The following SPCS3 variants were observed in gnomAD, a reference collection of about 807,000 sequenced individuals.
The protein encoded by SPCS3 is SPase 22 kDa subunit.
SPCS3 carries 9 observed loss-of-function variants against 17.2 expected under a neutral mutation model. The observed-to-expected ratio is 0.52, with a 90% CI of 0.31 to 0.91. The LOEUF is 0.91. SPCS3 is among the 40% of genes least tolerant of loss of function. The pLI, the probability that SPCS3 is intolerant of heterozygous loss-of-function variation, is 0.04. For missense variants in SPCS3, 139 were observed against 217.5 expected (o/e 0.64, Z 2.27); for synonymous variants, 87 against 89.6 (o/e 0.97, Z 0.16).
Position 176,320,138 on chromosome 4 carries a change from C to T in SPCS3, c.62C>T (p.Ala21Val). ...GCCTTCTCGCTGAGCGTGATGGCGG[C>T]GCTCACCTTCGGCTGCTTCATCACC... ...LFAFSLSVMA[A>V]LTFGCFITTA... The change falls in exon 1 of 5, where the codon GCG becomes GTG. Residue 21 changes from alanine (A) to valine (V), a missense_variant. By Grantham distance (64) the Ala-to-Val change is moderately conservative. Coordinates refer to ENST00000503362, the MANE Select transcript of SPCS3 (RefSeq NM_021928.4). 1 of 1,583,174 alleles carries T rather than the reference C, an allele frequency of 6.3e-7. No homozygotes were observed. Among genetic ancestry groups the T allele is most frequent in the African/African-American group, 1.4e-5 (1 of 71,948 alleles).
In SPCS3 at chr4:176,328,416, GGTTT is replaced by G; in HGVS notation, c.*91_*94del. The G allele has an allele frequency of 9.3e-7, 1 of 1,070,304 alleles. No homozygotes were observed. The highest frequency in any genetic ancestry group is 1.2e-6 in the Non-Finnish European group (1 of 834,682). The allele number at this position is 1,070,304 out of a possible 1,614,324, so 66.3% of individuals were successfully genotyped here. A position where few individuals can be genotyped will look rare whatever the true frequency, so the allele number is the denominator to read the frequency against. On this transcript the variant is annotated 3_prime_UTR_variant, in exon 5 of 5. Transcript: ENST00000503362. ...TTCCCTTACATCTTCATGTATTGTT[GGTTT>G]GTTTTTTGGTTTTGGGTTTTTTTTT...
intron 1 of SPCS3, chr4:176,321,965 A>G: frequency 7.2e-6 from 3 of 417,218 alleles, no homozygotes; most frequent in Non-Finnish European, 1.3e-5. Context: ...CTTGAGGTAT[A>G]TGCAATTAGC....
At chr4:176,322,118 A>G in intron 1 of SPCS3, 52 bp from the exon 2 acceptor site, 1 of 1,199,282 alleles carries the variant, frequency 8.3e-7, no homozygotes, top group Non-Finnish European at 1.2e-6. Context: ...AAGTTACGTG[A>G]ATTGTGTATG....
At chr4:176,328,176 T>C in intron 4 of SPCS3, 22 bp from the exon 5 acceptor site, 1 of 1,608,038 alleles carries the variant, frequency 6.2e-7, no homozygotes, top group East Asian at 2.2e-5. Context: ...TGATGACTTG[T>C]GTTTATTATA....
chr4:176,327,585 C>T (rs1398463340), intron 4 of SPCS3, among the ~76,000 whole-genome samples: 4 of 152,138 alleles, frequency 2.6e-5, no homozygotes, highest in African/African-American at 7.2e-5. Context: ...CCTTTCTGAG[C>T]GTGAGTCGGG....
intron 3 of SPCS3, among the ~76,000 whole-genome samples, chr4:176,325,561 T>TAAAA (rs71597446): frequency 2.2e-5 from 3 of 137,326 alleles, no homozygotes; most frequent in Admixed American, 7.3e-5. Context: ...TACCTTTCTT[T>TAAAA]AAAAAAAAAA....
intron 1 of SPCS3, 157 bp from the exon 2 acceptor site, chr4:176,322,013 C>A: frequency 2.1e-6 from 1 of 480,570 alleles, no homozygotes; most frequent in Admixed American, 4.0e-5. Context: ...AATGTTTCTC[C>A]TGTTTTCACA....
chr4:176,329,243 T>C lies in SPCS3; in HGVS notation c.*913T>C, dbSNP rs1268796402. 2.6e-5 allele frequency: 4 copies of C among 152,138 alleles called. No homozygotes were observed. The highest frequency in any genetic ancestry group is 5.9e-5 in the Non-Finnish European group (4 of 67,982). 9.4% of individuals were successfully genotyped at this position (152,138 alleles called of 1,614,324 possible). On this transcript the variant is annotated 3_prime_UTR_variant, in exon 5 of 5. Coordinates refer to ENST00000503362, the MANE Select transcript of SPCS3 (RefSeq NM_021928.4). ...CCATTTACAAACCACTCATATACTT[T>C]AGTGTATGTCATCCTCAATAATCTA...
In SPCS3 at chr4:176,320,092, T is replaced by C; in HGVS notation, c.16T>C (p.Ser6Pro). 6.4e-7 allele frequency: 1 copy of C among 1,570,484 alleles called. No individual in the cohort carries two copies. The change falls in exon 1 of 5, where the codon TCG (serine) becomes CCG (proline). Residue 6 changes from serine to proline, a missense_variant. Transcript: ENST00000503362. MNTVL[S>P]RANSLFAFSL... ...GACGATCGCGATGAACACGGTGCTG[T>C]CGCGGGCGAACTCACTGTTCGCCTT...
At position 176,327,260 on chromosome 4, in the gene SPCS3, C is replaced by T. The variant is rs367881418; in HGVS notation, c.393C>T (p.Asp131=). 93 of 1,571,548 alleles carry T rather than the reference C, an allele frequency of 5.9e-5. No homozygotes were observed. Among genetic ancestry groups the T allele is most frequent in the African/African-American group, 3.0e-4 (22 of 73,548 alleles). Residue 131 remains aspartate (D), a synonymous_variant, in exon 4 of 5, where the codon GAC becomes GAT. Transcript: ENST00000503362. ...TGAAAACAAAATATTTTTTCTTTGA[C>T]GATGGAAATGGTCTCAAGTGAGCAA... is the stretch of plus-strand genomic sequence containing the variant. ...KDMKTKYFFF[D]DGNGLKGNRN... is the part of the protein sequence containing the mutation.
In SPCS3 at chr4:176,319,972, G is replaced by C; in HGVS notation, c.-105G>C. ...CGGGGCTGCGGCGGCGCGCGCTCCCGGAACGCGCGCACCGCAGACGGCGCG... is the reference window on the plus strand; with the variant it reads ...CGGGGCTGCGGCGGCGCGCGCTCCCCGAACGCGCGCACCGCAGACGGCGCG... On this transcript the variant is annotated 5_prime_UTR_variant, in exon 1 of 5. Transcript: ENST00000503362. 5 of 1,294,796 alleles carry C rather than the reference G, an allele frequency of 3.9e-6. No individual in the cohort carries two copies. The highest frequency in any genetic ancestry group is 6.4e-5 in the East Asian group (2 of 31,136). 80.2% of individuals were successfully genotyped at this position (1,294,796 alleles called of 1,614,324 possible). A position where few individuals can be genotyped will look rare whatever the true frequency, so the allele number is the denominator to read the frequency against.
chr4:176,323,179 G>A (rs900025433), intron 2 of SPCS3, among the ~76,000 whole-genome samples: 1 of 152,148 alleles, frequency 6.6e-6, no homozygotes, highest in Admixed American at 6.5e-5. Context: ...ACCATCGGAA[G>A]AGTCTTATGC....
At chr4:176,328,024 C>G (rs1283651363) in intron 4 of SPCS3, among the ~76,000 whole-genome samples, 174 bp from the exon 5 acceptor site, 3 of 152,140 alleles carry the variant, frequency 2.0e-5, no homozygotes, top group Non-Finnish European at 4.4e-5. Flanking sequence ...CTAGCATTGT[C>G]CTTGGATTTT....
chr4:176,328,325 TATTAA>T lies in SPCS3; in HGVS notation c.543_*4del. ...AGATACATATGAAATAACGAAGAGTTATTAAATTATTCTGAATTTGAAACAACATA... is the reference window on the plus strand; with the variant it reads ...AGATACATATGAAATAACGAAGAGTTATTATTCTGAATTTGAAACAACATA... On this transcript the variant is annotated frameshift_variant and stop_lost, in exon 5 of 5. Coordinates refer to ENST00000503362, the MANE Select transcript of SPCS3 (RefSeq NM_021928.4). LOFTEE classifies it high-confidence loss of function. The T allele has an allele frequency of 2.5e-6, 4 of 1,583,914 alleles. No homozygotes were observed. The highest frequency in any genetic ancestry group is 3.4e-6 in the Non-Finnish European group (4 of 1,165,142).
At chr4:176,320,295 G>C in intron 1 of SPCS3, 76 bp downstream of exon 1, 2 of 1,244,718 alleles carry the variant, frequency 1.6e-6, no homozygotes, top group Non-Finnish European at 2.0e-6. Context: ...CCGCCGCGCC[G>C]GGGCTGCCGT....
chr4:176,328,222 C>T lies in SPCS3; in HGVS notation c.435C>T (p.Thr145=), dbSNP rs1269517225. The T allele has an allele frequency of 3.7e-6, 6 of 1,612,150 alleles. No individual in the cohort carries two copies. The highest frequency in any genetic ancestry group is 5.1e-6 in the Non-Finnish European group (6 of 1,179,250). The change falls in exon 5 of 5, where the codon ACC becomes ACT. Residue 145 remains threonine, a synonymous_variant. Transcript: ENST00000503362. ...GLKGNRNVTL[T]LSWNVVPNAG... ...GGGGAAACAGGAATGTCACTTTGAC[C>T]CTGTCTTGGAACGTCGTACCAAATG...
chr4:176,322,323 G>A, intron 2 of SPCS3, 80 bp downstream of exon 2: 1 of 975,862 alleles, frequency 1.0e-6, no homozygotes, highest in Non-Finnish European at 1.6e-6. Flanking sequence ...TTGGGATACA[G>A]TGTGACTATC....
Position 176,330,405 on chromosome 4 carries a change from A to G in SPCS3, c.*2075A>G, listed in dbSNP as rs1433720366. ...TTTAACAGTTCATGATACTTCTGTGATGAGTGGATCTGTTAGTCTGGTAGA... is the reference window on the plus strand; with the variant it reads ...TTTAACAGTTCATGATACTTCTGTGGTGAGTGGATCTGTTAGTCTGGTAGA... On this transcript the variant is annotated 3_prime_UTR_variant, in exon 5 of 5. Transcript: ENST00000503362. The G allele has an allele frequency of 6.6e-6, 1 of 152,210 alleles. No homozygotes were observed. The highest frequency in any genetic ancestry group is 1.5e-5 in the Non-Finnish European group (1 of 68,028). 9.4% of individuals were successfully genotyped at this position (152,210 alleles called of 1,614,324 possible).
chr4:176,321,425 C>T, intron 1 of SPCS3: 1 of 152,148 alleles, frequency 6.6e-6, no homozygotes, highest in East Asian at 1.9e-4. Flanking sequence ...AAAATATTGT[C>T]AGTGGGTCTG....
Sources: gnomAD v4.1 joint callset for allele counts (sites outside exome capture counted in the v4.1 genomes callset) on GRCh38, gnomAD v4.1.1 for gene constraint, MANE v1.5 for transcripts, NCBI Gene and HGNC (gene_info 2026-07-23, HGNC 2026-07-21) for gene names.